Variants in KIF5A observed in about 807,000 individuals in gnomAD.
KIF5A encodes kinesin heavy chain isoform 5A.
In KIF5A, 35 loss-of-function variants were observed where a neutral mutation model predicts 141.3. That is an observed-to-expected ratio of 0.25 (90% confidence interval 0.19 to 0.33). KIF5A has a LOEUF of 0.33. Among genes scored for constraint, KIF5A ranks in the 10% least tolerant of loss-of-function variants. The pLI is 1.00. For missense variants in KIF5A, 861 were observed against 1,314.3 expected (o/e 0.66, Z 5.33); for synonymous variants, 448 against 500.2 (o/e 0.90, Z 1.39).
In KIF5A at chr12:57,574,935, A is replaced by C. The variant is rs1295518976; in HGVS notation, c.1717-149A>C. 9 of 717,952 alleles carry C rather than the reference A, an allele frequency of 1.3e-5. No individual in the cohort carries two copies. In the East Asian group the frequency reaches 2.2e-4, roughly 17 times the overall value. The allele number at this position is 717,952 out of a possible 1,614,324, so 44.5% of individuals were successfully genotyped here. On this transcript the variant is annotated intron_variant, in intron 15 of 28. Transcript: ENST00000455537. ...AGGAATTTAATGTGAAATGCCGCTG[A>C]TAGAGAGCTGCTAAAGGTCGTTTGG...
At chr12:57,565,077 G>A in intron 6 of KIF5A, 104 bp downstream of exon 6, 1 of 1,028,608 alleles carries the variant, frequency 9.7e-7, no homozygotes, top group Non-Finnish European at 1.5e-6. Context: ...GGATATCCTG[G>A]AGGAATGAGA....
chr12:57,569,062 G>T lies in KIF5A; in HGVS notation c.814G>T (p.Gly272Cys). The stretch of plus-strand genomic sequence containing the variant: ...CAATGTGATCTCCGCACTGGCTGAG[G>T]GCACTGTGAGTGATCCTTAGGTCCC... ...LGNVISALAE[G>C]TKSYVPYRDS... Residue 272 changes from glycine (G) to cysteine (C), a missense_variant, in exon 9 of 29, where the codon GGC (glycine) becomes TGC (cysteine). Around this residue, in one of 5 missense-constraint regions of KIF5A, gnomAD observed 146 missense variants for 353.4 expected, o/e 0.41. Transcript: ENST00000455537. The T allele has an allele frequency of 6.2e-7, 1 of 1,612,676 alleles. No individual in the cohort carries two copies. Among genetic ancestry groups the T allele is most frequent in the Non-Finnish European group, 8.5e-7 (1 of 1,178,832 alleles).
intron 6 of KIF5A, among the ~76,000 whole-genome samples, 196 bp downstream of exon 6, chr12:57,565,169 C>A (rs917446865): frequency 1.3e-5 from 2 of 152,166 alleles, no homozygotes; most frequent in African/African-American, 2.4e-5. Flanking sequence ...CCTGTAATCC[C>A]AGCACTTTGG....
Position 57,563,421 on chromosome 12 carries a change from C to G in KIF5A, c.130-18C>G. The G allele has an allele frequency of 6.3e-7, 1 of 1,586,712 alleles. No individual in the cohort carries two copies. The highest frequency in any genetic ancestry group is 8.7e-7 in the Non-Finnish European group (1 of 1,155,168). ...CATCCTGCCTGTTGACGTCTGATAT[C>G]TTTTATTTTCATTCCAGGGGAAGCC... On this transcript the variant is annotated intron_variant, in intron 1 of 28. Coordinates refer to ENST00000455537, the MANE Select transcript of KIF5A (RefSeq NM_004984.4).
At chr12:57,566,907 G>C (rs1396005368) in intron 6 of KIF5A, among the ~76,000 whole-genome samples, 1 of 151,894 alleles carries the variant, frequency 6.6e-6, no homozygotes, top group East Asian at 2.0e-4. Flanking sequence ...GGGCGTGTTG[G>C]CTCATGCCTG....
intron 28 of KIF5A, 74 bp downstream of exon 28, chr12:57,583,289 G>A: frequency 3.7e-6 from 3 of 816,518 alleles, no homozygotes; most frequent in East Asian, 2.7e-5. Context: ...TGGTTTTCCT[G>A]CTGCTGCTTC....
chr12:57,579,187 T>C (rs1239001634), intron 23 of KIF5A, among the ~76,000 whole-genome samples: 2 of 151,988 alleles, frequency 1.3e-5, no homozygotes, highest in African/African-American at 4.8e-5. Context: ...GTTCTTTAGG[T>C]GGATGACTGG....
At chr12:57,575,018 G>A in intron 15 of KIF5A, 66 bp from the exon 16 acceptor site, 2 of 1,484,256 alleles carry the variant, frequency 1.3e-6, no homozygotes, top group Non-Finnish European at 1.9e-6. Context: ...TAGGTAGAAG[G>A]TGGGAGGGAA....
At position 57,577,726 on chromosome 12, in the gene KIF5A, C is replaced by A; in HGVS notation, c.2314C>A (p.Arg772=). The A allele has an allele frequency of 6.2e-7, 1 of 1,613,746 alleles. No homozygotes were observed. Among genetic ancestry groups the A allele is most frequent in the Middle Eastern group, 1.7e-4 (1 of 6,060 alleles). The change falls in exon 21 of 29, where the codon CGA becomes AGA. Residue 772 remains arginine, a synonymous_variant. Coordinates refer to ENST00000455537, the MANE Select transcript of KIF5A (RefSeq NM_004984.4). ...KLQELTFLYE[R]HEQSKQDLKG... is the part of the protein sequence containing the mutation. ...CTCTTGCTACAGATTTCTGTACGAG[C>A]GACATGAGCAGTCCAAGCAGGACCT...
At position 57,584,566 on chromosome 12, in the gene KIF5A, A is replaced by G. The variant is rs1882701946; in HGVS notation, c.*385A>G. The G allele has an allele frequency of 6.6e-6, 1 of 152,554 alleles. No homozygotes were observed. Among genetic ancestry groups the G allele is most frequent in the African/African-American group, 2.4e-5 (1 of 41,392 alleles). The allele number at this position is 152,554 out of a possible 1,614,324, so 9.5% of individuals were successfully genotyped here. A position where few individuals can be genotyped will look rare whatever the true frequency, so the allele number is the denominator to read the frequency against. ...GGTCACAGAGATGACAAAAGGAAAA[A>G]TGGGAGCTAGAGGGTTGTGACCCTT... On this transcript the variant is annotated 3_prime_UTR_variant, in exon 29 of 29. Transcript: ENST00000455537.
At chr12:57,573,951 C>T (rs1274413537) in intron 15 of KIF5A, among the ~76,000 whole-genome samples, 1 of 151,240 alleles carries the variant, frequency 6.6e-6, no homozygotes, top group African/African-American at 2.4e-5. Context: ...GGCATGGTGG[C>T]GGGCGCCTGT....
chr12:57,580,142 C>T (rs1327965929), intron 23 of KIF5A, among the ~76,000 whole-genome samples: 2 of 152,128 alleles, frequency 1.3e-5, no homozygotes, highest in Non-Finnish European at 1.5e-5. Flanking sequence ...CCCCTTGAGC[C>T]CCCAGTGTTC....
At position 57,564,898 on chromosome 12, in the gene KIF5A, C is replaced by A; in HGVS notation, c.446-20C>A. ...CGGTGGAAGTACTAGTCTTGCTTAC[C>A]CTGCATTCTTTTGATTCAGTGACCA... On this transcript the variant is annotated intron_variant, in intron 5 of 28. Transcript: ENST00000455537. The A allele has an allele frequency of 6.2e-7, 1 of 1,613,480 alleles. No individual in the cohort carries two copies. Among genetic ancestry groups the A allele is most frequent in the Non-Finnish European group, 8.5e-7 (1 of 1,179,470 alleles).
intron 15 of KIF5A, among the ~76,000 whole-genome samples, chr12:57,574,667 C>T (rs754743354): frequency 6.6e-5 from 10 of 150,416 alleles, no homozygotes; most frequent in Admixed American, 3.3e-4. Flanking sequence ...CTGCAACCTC[C>T]GCCTCCTGGG....
At chr12:57,574,869 C>T (rs1163828579) in intron 15 of KIF5A, among the ~76,000 whole-genome samples, 2 of 152,174 alleles carry the variant, frequency 1.3e-5, no homozygotes, top group Non-Finnish European at 2.9e-5. Context: ...AAGGCATGAG[C>T]TACTGCGCCC....
chr12:57,575,410 TG>T, intron 16 of KIF5A, 138 bp downstream of exon 16: 1 of 1,087,010 alleles, frequency 9.2e-7, no homozygotes, highest in Non-Finnish European at 1.4e-6. Flanking sequence ...AAAGCTGGGG[TG>T]GCAGGGGTGC....
chr12:57,562,474 C>T (rs1881937464), intron 1 of KIF5A, among the ~76,000 whole-genome samples: 1 of 152,210 alleles, frequency 6.6e-6, no homozygotes, highest in African/African-American at 2.4e-5. Context: ...CCTTGGCCTC[C>T]CAAAGTGCTG....
chr12:57,569,463 C>A, intron 10 of KIF5A, 59 bp downstream of exon 10: 4 of 1,612,780 alleles, frequency 2.5e-6, no homozygotes, highest in Non-Finnish European at 3.4e-6. Flanking sequence ...CCAGCCTCTG[C>A]GGCTCTCTCT....
Position 57,572,842 on chromosome 12 carries a change from C to A in KIF5A, c.1716+116C>A. On this transcript the variant is annotated intron_variant, in intron 15 of 28. Coordinates refer to ENST00000455537, the MANE Select transcript of KIF5A (RefSeq NM_004984.4). The surrounding 1 kb of genome is among the most constrained non-coding windows in gnomAD (Gnocchi z 4.2). ...GGCAGCCAGAGAGCCAGGAAACATG[C>A]CTTTGAACTAGACCCAGGAAGACAG... 2 of 1,232,056 alleles carry A rather than the reference C, an allele frequency of 1.6e-6. No homozygotes were observed. The highest frequency in any genetic ancestry group is 2.4e-6 in the Non-Finnish European group (2 of 834,350). The allele number at this position is 1,232,056 out of a possible 1,614,324, so 76.3% of individuals were successfully genotyped here.
Sources: gnomAD v4.1 joint callset for allele counts (sites outside exome capture counted in the v4.1 genomes callset) on GRCh38, gnomAD v4.1.1 for gene constraint, gnomAD v4.1.1 regional missense constraint, Gnocchi (gnomAD v3.1) non-coding constraint, MANE v1.5 for transcripts, NCBI Gene and HGNC (gene_info 2026-07-23, HGNC 2026-07-21) for gene names.